Variants in CAPS observed in about 807,000 individuals in gnomAD.
CAPS encodes the protein calcyphosine.
Under a neutral mutation model 15.5 loss-of-function variants are expected in CAPS, and 16 were observed. That is an observed-to-expected ratio of 1.03 (90% CI 0.70 to 1.57). The LOEUF is 1.57. Among genes scored for constraint, CAPS ranks in the 40% most tolerant of loss-of-function variants. The probability of loss-of-function intolerance (pLI) is 0.00; values close to 1 mark genes in which losing one functional copy is unlikely to be tolerated. For missense variants in CAPS, 294 were observed against 278.4 expected (o/e 1.06, Z -0.40); for synonymous variants, 121 against 116.0 (o/e 1.04, Z -0.28).
Position 5,914,881 on chromosome 19 carries a change from A to G in CAPS, c.262-59A>G. ...GGCATACAGCCCCAGTGCTCTGCAC[A>G]GCGTCTTGGGGGTTTGGGTGTGCTA... is the stretch of plus-strand genomic sequence containing the variant. On this transcript the variant is annotated intron_variant, in intron 3 of 4. Coordinates refer to ENST00000588776, the MANE Select transcript of CAPS (RefSeq NM_004058.5). 3 of 1,559,698 alleles carry G rather than the reference A, an allele frequency of 1.9e-6. No homozygotes were observed. The East Asian group carries it at 6.7e-5, about 35-fold the overall frequency.
In CAPS at chr19:5,915,483, C is replaced by T. The variant is rs1188597319; in HGVS notation, c.*161C>T. On this transcript the variant is annotated 3_prime_UTR_variant, in exon 5 of 5. Coordinates refer to ENST00000588776, the MANE Select transcript of CAPS (RefSeq NM_004058.5). ...AGGACTGGCTAGACCAGGTCCCTGCCGGTCCACCAGGCGGAGGTGGGACAA... is the reference window on the plus strand; with the variant it reads ...AGGACTGGCTAGACCAGGTCCCTGCTGGTCCACCAGGCGGAGGTGGGACAA... 17 of 594,278 alleles carry T rather than the reference C, an allele frequency of 2.9e-5. No homozygotes were observed. Among genetic ancestry groups the T allele is most frequent in the South Asian group, 4.2e-5 (2 of 47,392 alleles). The allele number at this position is 594,278 out of a possible 1,614,324, so 36.8% of individuals were successfully genotyped here.
In CAPS at chr19:5,914,562, GGT is replaced by G. The variant is rs1471733155; in HGVS notation, c.84_85del (p.Arg28SerfsTer16). 6.2e-7 allele frequency: 1 copy of G among 1,604,408 alleles called. No homozygotes were observed. Among genetic ancestry groups the G allele is most frequent in the Non-Finnish European group, 8.5e-7 (1 of 1,173,260 alleles). ...GTTCCAACCGTGTCCCCTGCCTCCA[GGT>G]TTTTCCGCCAACTAGACCGGGACGG... On this transcript the variant is annotated frameshift_variant and splice_region_variant, in exon 3 of 5. Coordinates refer to ENST00000588776, the MANE Select transcript of CAPS (RefSeq NM_004058.5). LOFTEE classifies it high-confidence loss of function.
chr19:5,915,112 T>TGGA lies in CAPS; in HGVS notation c.435_437dup (p.Leu145_Asp146insGlu), dbSNP rs2057721728. On this transcript the variant is annotated inframe_insertion, in exon 4 of 5. Transcript: ENST00000588776. ...GAGGACGAGGTGCTGCGCCGCTTCC[T>TGGA]GGACAACTTCGACTCCTCTGAGAAG... 1 of 1,613,164 alleles carries TGGA rather than the reference T, an allele frequency of 6.2e-7. No homozygotes were observed. Among genetic ancestry groups the TGGA allele is most frequent in the African/African-American group, 1.3e-5 (1 of 74,918 alleles).
Sources: gnomAD v4.1 joint callset for allele counts on GRCh38, gnomAD v4.1.1 for gene constraint, MANE v1.5 for transcripts, NCBI Gene and HGNC (gene_info 2026-07-23, HGNC 2026-07-21) for gene names.